FGD5: variants seen among roughly 807,000 people sequenced by gnomAD.
FGD5 encodes FYVE, RhoGEF and PH domain containing 5.
In FGD5, 28 loss-of-function variants were observed where a neutral mutation model predicts 133.4. That is an observed-to-expected ratio of 0.21 (90% CI 0.16 to 0.29). The LOEUF is 0.29. Ranked by LOEUF, FGD5 falls within the 10% of genes least tolerant of loss-of-function variation. The pLI, the probability that FGD5 is intolerant of heterozygous loss-of-function variation, is 1.00. For synonymous variants in FGD5, 810 were observed against 776.5 expected (o/e 1.04, Z -0.72); for missense variants, 1,858 against 1,895.2 (o/e 0.98, Z 0.36).
rs116445286 is a variant in FGD5, at chr3:14,831,164, G to T, written c.2525+9568G>T. ...GAGGCTGGAGGCCTTTGTGGGGTTCGTAGAGAGGTAAGGAGGCCAGTGTGG... is the reference window on the plus strand; with the variant it reads ...GAGGCTGGAGGCCTTTGTGGGGTTCTTAGAGAGGTAAGGAGGCCAGTGTGG... On this transcript the variant is annotated intron_variant, in intron 1 of 19. Coordinates refer to ENST00000285046, the MANE Select transcript of FGD5 (RefSeq NM_152536.4). Among the ~76,000 whole-genome samples the T allele has an allele frequency of 3.9e-5, 6 of 152,152 alleles. No individual in the cohort carries two copies. In the East Asian group the frequency reaches 1.2e-3, roughly 29 times the overall value.
At chr3:14,863,693 T>G (rs1204101912) in intron 1 of FGD5, among the ~76,000 whole-genome samples, 1 of 152,236 alleles carries the variant, frequency 6.6e-6, no homozygotes, top group Non-Finnish European at 1.5e-5. Flanking sequence ...AGGCCGGGAC[T>G]AGGGGCTGGA....
intron 1 of FGD5, among the ~76,000 whole-genome samples, chr3:14,851,737 C>G (rs987830639): frequency 6.6e-6 from 1 of 152,118 alleles, no homozygotes; most frequent in African/African-American, 2.4e-5. Flanking sequence ...CCCCACTAGA[C>G]TTCTGAGCCT....
At chr3:14,827,854 A>T (rs1244161211) in intron 1 of FGD5, among the ~76,000 whole-genome samples, 1 of 152,120 alleles carries the variant, frequency 6.6e-6, no homozygotes, top group Non-Finnish European at 1.5e-5. Flanking sequence ...ACCTCAGAAG[A>T]TTCTACCCGC....
chr3:14,878,146 A>G (rs2037755220), intron 2 of FGD5, among the ~76,000 whole-genome samples: 1 of 152,190 alleles, frequency 6.6e-6, no homozygotes, highest in African/African-American at 2.4e-5. Context: ...AGGGAACAGC[A>G]CATGCAGAGG....
At position 14,922,495 on chromosome 3, in the gene FGD5, G is replaced by C; in HGVS notation, c.3754G>C (p.Gly1252Arg). The C allele has an allele frequency of 6.3e-7, 1 of 1,582,596 alleles. No individual in the cohort carries two copies. The change falls in exon 15 of 20, where the codon GGC becomes CGC. Residue 1252 changes from glycine to arginine, a missense_variant. By Grantham distance (125) the Gly-to-Arg change is moderately radical (BLOSUM62 -2). Around this residue, in one of 3 missense-constraint regions of FGD5, gnomAD observed 1,824 missense variants for 1,848.9 expected, o/e 0.99. Transcript: ENST00000285046. This position sits in a 1 kb window ranked among gnomAD's most constrained non-coding sequence, Gnocchi z 4.1. The stretch of plus-strand genomic sequence containing the variant: ...ACACGTCATGATGTGCATGAACTGC[G>C]GCTGCGACTTCTCCCTCACCCTGCG... ...VTHVMMCMNC[G>R]CDFSLTLRRH... is the part of the protein sequence containing the mutation.
intron 1 of FGD5, among the ~76,000 whole-genome samples, chr3:14,853,881 G>A (rs1429693696): frequency 1.4e-5 from 2 of 144,796 alleles, no homozygotes; most frequent in Non-Finnish European, 3.0e-5. Context: ...CATTTGGAAG[G>A]TCGTTTAAGG....
intron 1 of FGD5, among the ~76,000 whole-genome samples, chr3:14,854,413 A>AT (rs1038361333): frequency 1.6e-5 from 2 of 128,420 alleles, no homozygotes; most frequent in Non-Finnish European, 3.3e-5. Flanking sequence ...TTATTTATTT[A>AT]TTTATTTATT....
intron 18 of FGD5, 133 bp from the exon 19 acceptor site, chr3:14,932,444 G>T: frequency 2.0e-6 from 2 of 976,608 alleles, no homozygotes; most frequent in Non-Finnish European, 1.5e-6. Flanking sequence ...AACAGTTTGT[G>T]TGTGGTGAGC....
intron 1 of FGD5, among the ~76,000 whole-genome samples, chr3:14,857,305 G>A (rs1232384062): frequency 6.6e-6 from 1 of 152,092 alleles, no homozygotes; most frequent in Admixed American, 6.5e-5. Flanking sequence ...CTATAGGGAT[G>A]AGCCACTACA....
In FGD5 at chr3:14,934,284, G is replaced by T. The variant is rs2038945862; in HGVS notation, c.*1117G>T. 6.6e-6 allele frequency: 1 copy of T among 152,232 alleles called. No homozygotes were observed. The highest frequency in any genetic ancestry group is 2.4e-5 in the African/African-American group (1 of 41,538). The allele number at this position is 152,232 out of a possible 1,614,324, so 9.4% of individuals were successfully genotyped here. ...CTTGGGGCTAAATCGCCTCCTGAGG[G>T]TGACTGTTGCTTATTCTGCTGGACA... is the stretch of plus-strand genomic sequence containing the variant. On this transcript the variant is annotated 3_prime_UTR_variant, in exon 20 of 20. Transcript: ENST00000285046.
rs751514199 is a variant in FGD5, at chr3:14,820,973, C to T, written c.1902C>T (p.Pro634=). The T allele has an allele frequency of 8.1e-6, 13 of 1,613,930 alleles. No homozygotes were observed. In the South Asian group the frequency reaches 1.2e-4, roughly 15 times the overall value. ...ITKKPITKSS[P]SLLIESDSPD... ...AGAAGCCCATCACAAAGAGCTCTCC[C>T]TCACTCCTGATCGAGAGCGACTCCC... The change falls in exon 1 of 20, where the codon CCC becomes CCT. Residue 634 remains proline (P), a synonymous_variant. Transcript: ENST00000285046.
chr3:14,900,577 T>G, intron 8 of FGD5, 124 bp downstream of exon 8: 1 of 1,084,734 alleles, frequency 9.2e-7, no homozygotes, highest in Non-Finnish European at 1.4e-6. Flanking sequence ...CTGGGTGGGT[T>G]CTGCATATGA....
chr3:14,900,489 G>T, intron 8 of FGD5, 36 bp downstream of exon 8: 1 of 1,607,942 alleles, frequency 6.2e-7, no homozygotes, highest in South Asian at 1.1e-5. Flanking sequence ...AGGTACTCAA[G>T]CCTGCTCTGC....
chr3:14,812,490 G>A lies in FGD5; in HGVS notation c.13+1625G>A, dbSNP rs188909552. 4.6e-5 allele frequency among the ~76,000 whole-genome samples: 7 copies of A among 152,324 alleles called. No individual in the cohort carries two copies. The East Asian group carries it at 5.8e-4, about 13-fold the overall frequency. On this transcript the variant is annotated intron_variant, in intron 1 of 1. Coordinates refer to the FGD5 transcript ENST00000640506. ...GAGAATCTGGGGGATGGAGTGAGTC[G>A]GAATAAACTTAGAGGCAGGTTTGGT...
At chr3:14,926,042 G>C (rs374437034) in intron 17 of FGD5, 28 bp from the exon 18 acceptor site, 1 of 1,611,564 alleles carries the variant, frequency 6.2e-7, no homozygotes, top group African/African-American at 1.3e-5. Flanking sequence ...ACCGGGGTGG[G>C]CTGACCGCTC....
rs758485762 is a variant in FGD5, at chr3:14,821,161, G to C, written c.2090G>C (p.Arg697Pro). ...CCTTCCAGGATTCTGGAAGTTGACC[G>C]GAGAAGCCTCAGCAACTCCCCTCAG... ...HGPSRILEVD[R>P]RSLSNSPQLK... The change falls in exon 1 of 20, where the codon CGG (arginine) becomes CCG (proline). Residue 697 changes from arginine to proline, a missense_variant. By Grantham distance (103) the Arg-to-Pro change is moderately radical (BLOSUM62 -2). Around this residue, in one of 3 missense-constraint regions of FGD5, gnomAD observed 1,824 missense variants for 1,848.9 expected, o/e 0.99. Coordinates refer to ENST00000285046, the MANE Select transcript of FGD5 (RefSeq NM_152536.4). The C allele has an allele frequency of 6.2e-7, 1 of 1,613,880 alleles. No homozygotes were observed. The highest frequency in any genetic ancestry group is 8.5e-7 in the Non-Finnish European group (1 of 1,179,880).
intron 12 of FGD5, 57 bp from the exon 13 acceptor site, chr3:14,918,697 G>T (rs2117776): frequency 0.2 from 304,505 of 1,543,682 alleles, 32,316 homozygotes; most frequent in East Asian, 0.3. Context: ...AGGAGAAGCC[G>T]GTCTACACTT....
At chr3:14,900,819 A>G (rs914609866) in intron 8 of FGD5, among the ~76,000 whole-genome samples, 184 bp from the exon 9 acceptor site, 1 of 152,136 alleles carries the variant, frequency 6.6e-6, no homozygotes, top group Non-Finnish European at 1.5e-5. Flanking sequence ...GGTGGTCACT[A>G]TTATAACATA....
At chr3:14,882,470 G>T in intron 4 of FGD5, 1 of 434,914 alleles carries the variant, frequency 2.3e-6, no homozygotes, top group Non-Finnish European at 3.1e-6. Context: ...GGCCGAGGTG[G>T]GCTGATCATC....
Sources: allele counts gnomAD v4.1 joint callset (sites outside exome capture counted in the v4.1 genomes callset), GRCh38; gene constraint gnomAD v4.1.1; regional missense constraint gnomAD v4.1.1; non-coding constraint Gnocchi (gnomAD v3.1); transcripts MANE v1.5; gene names NCBI Gene and HGNC (gene_info 2026-07-23, HGNC 2026-07-21).